The following PGBD2 variants were observed in gnomAD, a reference collection of about 807,000 sequenced individuals.
The protein encoded by PGBD2 is piggyBac transposable element-derived protein 2.
In PGBD2, 6 loss-of-function variants were observed where a neutral mutation model predicts 8.1. The ratio of observed to expected loss-of-function variants is 0.74; its 90% CI spans 0.40 to 1.46. The LOEUF is 1.46. Ranked by LOEUF, PGBD2 falls within the 40% of genes most tolerant of loss-of-function variation. PGBD2 has a pLI of 0.02. For synonymous variants in PGBD2, 318 were observed against 272.2 expected (o/e 1.17, Z -1.66); for missense variants, 802 against 739.0 (o/e 1.09, Z -0.99).
the PGBD2 span, among the ~76,000 whole-genome samples, chr1:248,881,805 A>G: frequency 6.6e-5 from 10 of 152,188 alleles, no homozygotes; most frequent in African/African-American, 1.9e-4. Flanking sequence ...TTTAATGAGT[A>G]CTGTTTGGTG....
chr1:248,898,428 A>G, the PGBD2 span, among the ~76,000 whole-genome samples: 1 of 152,220 alleles, frequency 6.6e-6, no homozygotes, highest in African/African-American at 2.4e-5. Context: ...TGCTGGGATT[A>G]CAGGCGTGAG....
intron 2 of PGBD2, chr1:248,914,512 G>T (rs1215910507): frequency 2.3e-6 from 3 of 1,289,270 alleles, no homozygotes; most frequent in Non-Finnish European, 3.0e-6. Flanking sequence ...AGGAAGTGAG[G>T]TTGGAGTGAA....
At chr1:248,891,577 C>T in the PGBD2 span, among the ~76,000 whole-genome samples, 1 of 152,192 alleles carries the variant, frequency 6.6e-6, no homozygotes, top group Non-Finnish European at 1.5e-5. Flanking sequence ...CACCTGTCAT[C>T]CCAGCCCTTT....
At chr1:248,874,264 G>A in the PGBD2 span, among the ~76,000 whole-genome samples, 11 of 152,152 alleles carry the variant, frequency 7.2e-5, no homozygotes, top group East Asian at 3.9e-4. Context: ...GTGGTCTAGT[G>A]GTTAGGATTC....
At chr1:248,890,993 A>G in the PGBD2 span, among the ~76,000 whole-genome samples, 1 of 151,554 alleles carries the variant, frequency 6.6e-6, no homozygotes, top group Non-Finnish European at 1.5e-5. Flanking sequence ...ACAGACACAC[A>G]CATTCACCAC....
the PGBD2 span, among the ~76,000 whole-genome samples, chr1:248,873,880 CGCCAGACTCAAGGT>C: frequency 6.6e-6 from 1 of 152,156 alleles, no homozygotes; most frequent in South Asian, 2.1e-4. Context: ...TGGTCTAAGG[CGCCAGACTCAAGGT>C]AAGCACCTTG....
At chr1:248,889,697 C>T in the PGBD2 span, among the ~76,000 whole-genome samples, 1 of 152,152 alleles carries the variant, frequency 6.6e-6, no homozygotes, top group East Asian at 1.9e-4. Context: ...ACTTCACCCT[C>T]ATACACTGGA....
the PGBD2 span, among the ~76,000 whole-genome samples, chr1:248,897,138 G>C: frequency 2.6e-5 from 4 of 152,046 alleles, no homozygotes; most frequent in African/African-American, 9.7e-5. Context: ...GCATGCTTAT[G>C]CTGGTCCAAG....
At chr1:248,904,195 C>A (rs1661580613), upstream of PGBD2, among the ~76,000 whole-genome samples, 1 of 151,620 alleles carries the variant, frequency 6.6e-6, no homozygotes, top group East Asian at 1.9e-4. Flanking sequence ...CAATTTTTTC[C>A]TTAAAGCTTA....
chr1:248,880,959 A>G, the PGBD2 span, among the ~76,000 whole-genome samples: 1 of 152,058 alleles, frequency 6.6e-6, no homozygotes, highest in African/African-American at 2.4e-5. Flanking sequence ...ATCTCTGTAT[A>G]ATATTATTAG....
At chr1:248,905,835 A>G (rs924834371), upstream of PGBD2, among the ~76,000 whole-genome samples, 6 of 152,188 alleles carry the variant, frequency 3.9e-5, no homozygotes, top group Non-Finnish European at 8.8e-5. Flanking sequence ...CAGGGTTGGT[A>G]AGGCCGATTA....
At chr1:248,916,473 C>A (rs1056264548) in intron 2 of PGBD2, 129 bp from the exon 3 acceptor site, 2 of 705,130 alleles carry the variant, frequency 2.8e-6, no homozygotes, top group Non-Finnish European at 4.7e-6. Context: ...AAATGCGGTG[C>A]CTTGTGATGC....
downstream of PGBD2, among the ~76,000 whole-genome samples, chr1:248,924,698 C>G (rs1662349886): frequency 6.6e-6 from 1 of 152,212 alleles, no homozygotes; most frequent in Non-Finnish European, 1.5e-5. Flanking sequence ...GTAGCAAAGA[C>G]ACATTTTGTT....
At chr1:248,907,061 C>G (rs1311799810) in intron 1 of PGBD2, among the ~76,000 whole-genome samples, 1 of 152,214 alleles carries the variant, frequency 6.6e-6, no homozygotes, top group Non-Finnish European at 1.5e-5. Context: ...AGGACTTGCA[C>G]CAGCACCGGT....
the PGBD2 span, among the ~76,000 whole-genome samples, chr1:248,880,412 G>C: frequency 6.6e-6 from 1 of 152,162 alleles, no homozygotes; most frequent in Non-Finnish European, 1.5e-5. Context: ...TTTTGAATGG[G>C]CTGTATTTGT....
At chr1:248,911,725 G>T (rs1165031863) in intron 1 of PGBD2, among the ~76,000 whole-genome samples, 3 of 150,630 alleles carry the variant, frequency 2.0e-5, no homozygotes, top group African/African-American at 5.0e-5. Flanking sequence ...CCTCCCGGAC[G>T]GGGCGGCTGG....
the PGBD2 span, among the ~76,000 whole-genome samples, chr1:248,928,283 T>C: frequency 2.7e-3 from 409 of 152,338 alleles, 2 homozygotes; most frequent in African/African-American, 9.4e-3. Context: ...TCCAGACTTA[T>C]CTTGCACACA....
intron 1 of PGBD2, among the ~76,000 whole-genome samples, chr1:248,908,946 G>T (rs995267087): frequency 5.9e-5 from 9 of 152,056 alleles, no homozygotes; most frequent in African/African-American, 2.2e-4. Context: ...TCCCTGACTA[G>T]ATCAGTTTCC....
Position 248,918,053 on chromosome 1 carries a change from T to C in PGBD2, c.1469T>C (p.Val490Ala). The change falls in exon 3 of 3, where the codon GTC becomes GCC. Residue 490 changes from valine to alanine, a missense_variant. Physicochemically the swap from Val to Ala is moderately conservative, Grantham distance 64. Coordinates refer to ENST00000329291, the MANE Select transcript of PGBD2 (RefSeq NM_170725.3). ...MKWYSSFIGY[V>A]IDAALNNAWQ... ...TGGTACTCAAGCTTTATTGGCTATG[T>C]CATTGATGCTGCCCTCAACAATGCA... The C allele has an allele frequency of 1.2e-6, 2 of 1,614,224 alleles. No individual in the cohort carries two copies. The highest frequency in any genetic ancestry group is 1.7e-6 in the Non-Finnish European group (2 of 1,180,036).
Sources: gnomAD v4.1 joint callset for allele counts (sites outside exome capture counted in the v4.1 genomes callset) on GRCh38, gnomAD v4.1.1 for gene constraint, MANE v1.5 for transcripts, NCBI Gene and HGNC (gene_info 2026-07-23, HGNC 2026-07-21) for gene names.